Variants in AR observed in about 807,000 individuals in gnomAD.
AR encodes androgen receptor.
AR carries 8 observed loss-of-function variants against 53.9 expected under a neutral mutation model. The observed-to-expected ratio is 0.15, with a 90% CI of 0.09 to 0.27. The LOEUF (loss-of-function observed/expected upper bound fraction) is 0.27, where lower values mean the gene tolerates loss of function less well. AR is among the 10% of genes least tolerant of loss of function. The probability of loss-of-function intolerance (pLI) is 1.00; values close to 1 mark genes in which losing one functional copy is unlikely to be tolerated. For synonymous variants in AR, 359 were observed against 316.4 expected (o/e 1.13, Z -1.43); for missense variants, 639 against 742.5 (o/e 0.86, Z 1.62).
chrX:67,707,787 T>C (rs975277906), intron 3 of AR, among the ~76,000 whole-genome samples: 1 of 112,047 alleles, frequency 8.9e-6, no homozygotes, highest in African/African-American at 3.2e-5. Context: ...GTACCGGTTG[T>C]TCCTTTCCAT....
At chrX:67,600,685 A>G (rs1318802161) in intron 1 of AR, among the ~76,000 whole-genome samples, 2 of 111,488 alleles carry the variant, frequency 1.8e-5, no homozygotes, top group South Asian at 7.5e-4. Flanking sequence ...TACATTTTAA[A>G]ATAACTAAAG....
At chrX:67,557,242 C>T (rs1921096112) in intron 1 of AR, among the ~76,000 whole-genome samples, 1 of 110,766 alleles carries the variant, frequency 9.0e-6, no homozygotes, top group Admixed American at 9.6e-5. Flanking sequence ...TAGGAAGTGG[C>T]TGAATTCTGG....
At chrX:67,667,370 G>A (rs978158388) in intron 2 of AR, among the ~76,000 whole-genome samples, 11 of 111,334 alleles carry the variant, frequency 9.9e-5, no homozygotes, top group Non-Finnish European at 2.1e-4. Flanking sequence ...CACTGTAGAT[G>A]TATGGACTTG....
In AR at chrX:67,657,426, G is replaced by A. The variant is rs773598631; in HGVS notation, c.1768+14019G>A. Among the ~76,000 whole-genome samples, 43 of 110,684 alleles carry A rather than the reference G, an allele frequency of 3.9e-4. 1 individual carries two copies. The highest frequency in any genetic ancestry group is 2.3e-3 in the South Asian group (6 of 2,562). ...CATTCACCCGACTGAAAGGTACCCC[G>A]CCCTCTCCTGTACTCCACATCACTT... On this transcript the variant is annotated intron_variant, in intron 2 of 7. Coordinates refer to ENST00000374690, the MANE Select transcript of AR (RefSeq NM_000044.6).
At chrX:67,712,112 A>T (rs1475431420) in intron 4 of AR, among the ~76,000 whole-genome samples, 1 of 111,957 alleles carries the variant, frequency 8.9e-6, no homozygotes, top group African/African-American at 3.2e-5. Context: ...GAGCTATATC[A>T]TGGGAACTCT....
chrX:67,629,764 T>G (rs1485182620), intron 1 of AR, among the ~76,000 whole-genome samples: 32 of 110,227 alleles, frequency 2.9e-4, no homozygotes, highest in Non-Finnish European at 5.3e-4. Context: ...TGCTTTCTCT[T>G]GCGGGCATTT....
intron 1 of AR, among the ~76,000 whole-genome samples, chrX:67,624,304 A>G (rs1299716485): frequency 8.9e-6 from 1 of 111,909 alleles, no homozygotes; most frequent in African/African-American, 3.2e-5. Context: ...GAAAAACACA[A>G]ACTATCTAAA....
rs750797005 is a variant in AR, at chrX:67,730,361, T to G, written c.*6520T>G. 10 of 173,242 alleles carry G rather than the reference T, an allele frequency of 5.8e-5. No homozygotes were observed. The highest frequency in any genetic ancestry group is 9.9e-5 in the Non-Finnish European group (9 of 90,921). 14.3% of individuals were successfully genotyped at this position (173,242 alleles called of 1,213,427 possible). A position where few individuals can be genotyped will look rare whatever the true frequency, so the allele number is the denominator to read the frequency against. On this transcript the variant is annotated 3_prime_UTR_variant, in exon 8 of 8. Coordinates refer to ENST00000374690, the MANE Select transcript of AR (RefSeq NM_000044.6). ...TTGTAATCTTGGAATCTTTTGTTGC[T>G]CTAAATACAATTAAAAATGGCAGAA...
At chrX:67,550,908 TA>T (rs1256108288) in intron 1 of AR, among the ~76,000 whole-genome samples, 3 of 108,532 alleles carry the variant, frequency 2.8e-5, no homozygotes, top group Non-Finnish European at 5.7e-5. Flanking sequence ...ATTTCTTTTT[TA>T]AAAAAAATCT....
At chrX:67,715,319 T>C (rs1569313933) in intron 4 of AR, among the ~76,000 whole-genome samples, 1 of 111,098 alleles carries the variant, frequency 9.0e-6, no homozygotes, top group East Asian at 2.8e-4. Context: ...AAGCAGGAAC[T>C]ACTCTGGGAT....
intron 1 of AR, among the ~76,000 whole-genome samples, chrX:67,567,709 A>C (rs748652931): frequency 8.9e-6 from 1 of 112,162 alleles, no homozygotes; most frequent in Non-Finnish European, 1.9e-5. Context: ...AATTTTGGGC[A>C]AGTCAACAGT....
chrX:67,704,759 C>T (rs1220659082), intron 3 of AR, among the ~76,000 whole-genome samples: 1 of 111,904 alleles, frequency 8.9e-6, no homozygotes, highest in African/African-American at 3.3e-5. Context: ...AGGTTTTCTT[C>T]TAGGGTTTTA....
At chrX:67,694,350 C>G (rs780069697) in intron 3 of AR, among the ~76,000 whole-genome samples, 1 of 109,809 alleles carries the variant, frequency 9.1e-6, no homozygotes, top group Non-Finnish European at 1.9e-5. Flanking sequence ...ACCCCACCCC[C>G]ACATACACAC....
intron 2 of AR, among the ~76,000 whole-genome samples, chrX:67,674,694 G>T: frequency 9.0e-6 from 1 of 111,197 alleles, no homozygotes; most frequent in Admixed American, 9.5e-5. Context: ...TCCCTTCAAG[G>T]AAGTGGGCTC....
intron 1 of AR, among the ~76,000 whole-genome samples, chrX:67,596,643 A>G (rs1041499127): frequency 8.9e-6 from 1 of 111,779 alleles, no homozygotes; most frequent in African/African-American, 3.3e-5. Context: ...AGCTAGTCAG[A>G]TGTATAATTG....
chrX:67,611,332 A>G (rs1174189623), intron 1 of AR, among the ~76,000 whole-genome samples: 1 of 111,444 alleles, frequency 9.0e-6, no homozygotes, highest in Non-Finnish European at 1.9e-5. Context: ...TTATCTTTTC[A>G]CATGTTTTTT....
chrX:67,633,967 G>T (rs2092554922), intron 1 of AR, among the ~76,000 whole-genome samples: 1 of 109,445 alleles, frequency 9.1e-6, no homozygotes, highest in Non-Finnish European at 1.9e-5. Context: ...TGATATAATT[G>T]CTCTAAAATT....
chrX:67,604,659 C>T (rs1923543091), intron 1 of AR, among the ~76,000 whole-genome samples: 1 of 111,229 alleles, frequency 9.0e-6, no homozygotes, highest in African/African-American at 3.3e-5. Context: ...GATTCTTTGG[C>T]CCCTCCTCAA....
chrX:67,709,176 G>A (rs920639834), intron 3 of AR, among the ~76,000 whole-genome samples: 14 of 112,058 alleles, frequency 1.2e-4, no homozygotes, highest in Admixed American at 1.1e-3. Context: ...CTGTCAGACA[G>A]GGACATTTAA....
Sources: allele counts gnomAD v4.1 joint callset (sites outside exome capture counted in the v4.1 genomes callset), GRCh38; gene constraint gnomAD v4.1.1; transcripts MANE v1.5; gene names NCBI Gene and HGNC (gene_info 2026-07-23, HGNC 2026-07-21).